KCND2: variants seen among roughly 807,000 people sequenced by gnomAD.
KCND2 encodes A-type voltage-gated potassium channel KCND2.
Under a neutral mutation model 54.4 loss-of-function variants are expected in KCND2, and 16 were observed. The observed-to-expected ratio is 0.29, with a 90% CI of 0.20 to 0.45. The LOEUF (loss-of-function observed/expected upper bound fraction) is 0.45. Ranked by LOEUF, KCND2 falls within the 20% of genes least tolerant of loss-of-function variation. KCND2 has a pLI of 1.00. For missense variants in KCND2, 486 were observed against 824.2 expected, an observed-to-expected ratio of 0.59 and a Z score of 5.02; for synonymous variants, 317 against 310.7, an observed-to-expected ratio of 1.02 and a Z score of -0.21.
intron 1 of KCND2, among the ~76,000 whole-genome samples, chr7:120,287,664 C>G (rs756886509): frequency 1.4e-4 from 22 of 152,010 alleles, no homozygotes; most frequent in Admixed American, 4.6e-4. Flanking sequence ...ACCAGCCTGA[C>G]CAGCATAGTG....
chr7:120,432,953 A>G (rs1183499801), intron 1 of KCND2, among the ~76,000 whole-genome samples: 1 of 152,066 alleles, frequency 6.6e-6, no homozygotes, highest in Admixed American at 6.6e-5. Context: ...GCAAGGCCAA[A>G]TCTCAACTCC....
intron 1 of KCND2, among the ~76,000 whole-genome samples, chr7:120,719,700 C>G (rs1398083522): frequency 6.6e-6 from 1 of 152,004 alleles, no homozygotes; most frequent in Non-Finnish European, 1.5e-5. Flanking sequence ...AATAAAACAA[C>G]AAGCAAAACA....
intron 1 of KCND2, among the ~76,000 whole-genome samples, chr7:120,420,387 G>A (rs1267473783): frequency 6.6e-6 from 1 of 152,134 alleles, no homozygotes; most frequent in African/African-American, 2.4e-5. Context: ...TGCCTGGTAG[G>A]GTGGAGGTGC....
chr7:120,676,161 G>A (rs1792058570), intron 1 of KCND2, among the ~76,000 whole-genome samples: 1 of 152,112 alleles, frequency 6.6e-6, no homozygotes, highest in South Asian at 2.1e-4. Context: ...TTAGCACAAG[G>A]AACAGCCTAG....
chr7:120,718,099 A>G (rs1792624778), intron 1 of KCND2, among the ~76,000 whole-genome samples: 1 of 152,146 alleles, frequency 6.6e-6, no homozygotes, highest in African/African-American at 2.4e-5. Flanking sequence ...AGGCAGTGAT[A>G]GGAAGGAGGC....
intron 1 of KCND2, among the ~76,000 whole-genome samples, chr7:120,577,484 C>T (rs914801078): frequency 2.0e-5 from 3 of 152,182 alleles, no homozygotes; most frequent in Admixed American, 6.5e-5. Flanking sequence ...GATCTGCCTG[C>T]CTACCATATC....
intron 1 of KCND2, among the ~76,000 whole-genome samples, chr7:120,468,395 T>A (rs1220549338): frequency 6.6e-6 from 1 of 152,112 alleles, no homozygotes; most frequent in Non-Finnish European, 1.5e-5. Flanking sequence ...TGAGAATGAC[T>A]TCTTCTGAAC....
At chr7:120,627,846 T>C (rs961049758) in intron 1 of KCND2, among the ~76,000 whole-genome samples, 6 of 152,036 alleles carry the variant, frequency 3.9e-5, no homozygotes, top group Admixed American at 3.3e-4. Flanking sequence ...TTATATATAA[T>C]ATTAAAACCA....
chr7:120,375,115 GATTT>G lies in KCND2; in HGVS notation c.1115+99373_1115+99376del, dbSNP rs1800818619. On this transcript the variant is annotated intron_variant, in intron 1 of 5. Transcript: ENST00000331113. Reference sequence around the variant, plus strand: ...CATGGTTTTGTTTTTGCTATTTATTGATTTATTTTGTTGTTGTCATTTGATAAAT... The same window carrying G: ...CATGGTTTTGTTTTTGCTATTTATTGATTTTGTTGTTGTCATTTGATAAAT... 2.7e-5 allele frequency among the ~76,000 whole-genome samples: 4 copies of G among 149,930 alleles called. No individual in the cohort carries two copies. The South Asian group carries it at 8.3e-4, about 31-fold the overall frequency.
At chr7:120,368,909 C>T (rs899744369) in intron 1 of KCND2, among the ~76,000 whole-genome samples, 1 of 152,052 alleles carries the variant, frequency 6.6e-6, no homozygotes, top group Non-Finnish European at 1.5e-5. Flanking sequence ...TTTACTTAAT[C>T]AGATTTCAGT....
Position 120,273,637 on chromosome 7 carries a change from C to T in KCND2, c.-996C>T, listed in dbSNP as rs929652611. 2 of 152,550 alleles carry T rather than the reference C, an allele frequency of 1.3e-5. No homozygotes were observed. Among genetic ancestry groups the T allele is most frequent in the Non-Finnish European group, 2.9e-5 (2 of 68,106 alleles). 9.4% of individuals were successfully genotyped at this position (152,550 alleles called of 1,614,324 possible). ...GAAGGGAAAGAAGAGCTCGCTTGAG[C>T]TTTATTTATGCTCTCTCGGCGCATC... On this transcript the variant is annotated 5_prime_UTR_variant, in exon 1 of 6. Transcript: ENST00000331113.
rs557232689 is a variant in KCND2 at position 120,528,627 on chromosome 7, G to A, written c.1116-204276G>A. Among the ~76,000 whole-genome samples the A allele has an allele frequency of 4.6e-5, 7 of 152,212 alleles. No individual in the cohort carries two copies. The East Asian group carries it at 1.4e-3, about 29-fold the overall frequency. On this transcript the variant is annotated intron_variant, in intron 1 of 5. Coordinates refer to ENST00000331113, the MANE Select transcript of KCND2 (RefSeq NM_012281.3). ...GGCAGAAATTAGCTAACCCAGTAGA[G>A]ATAACACAAAGCAAATAAATGATAC...
chr7:120,383,543 A>G (rs1049257048), intron 1 of KCND2, among the ~76,000 whole-genome samples: 21 of 150,844 alleles, frequency 1.4e-4, no homozygotes, highest in African/African-American at 4.8e-4. Flanking sequence ...AGTTTAGTCA[A>G]AAGTCACCAA....
intron 1 of KCND2, among the ~76,000 whole-genome samples, chr7:120,346,900 A>T (rs777099537): frequency 8.5e-5 from 13 of 152,188 alleles, no homozygotes; most frequent in Non-Finnish European, 1.9e-4. Flanking sequence ...ACTAAGTGCT[A>T]TTTTGTTCTC....
intron 1 of KCND2, among the ~76,000 whole-genome samples, chr7:120,437,039 T>C (rs1801877536): frequency 1.3e-5 from 2 of 152,260 alleles, no homozygotes; most frequent in East Asian, 3.9e-4. Flanking sequence ...TCTCAGCCTA[T>C]CGAACTTTGC....
At chr7:120,584,766 G>A (rs537873795) in intron 1 of KCND2, among the ~76,000 whole-genome samples, 33 of 152,268 alleles carry the variant, frequency 2.2e-4, no homozygotes, top group East Asian at 1.3e-3. Context: ...ACACGCATGC[G>A]CGTGCACACA....
intron 1 of KCND2, among the ~76,000 whole-genome samples, chr7:120,490,947 G>T (rs1472682167): frequency 6.6e-6 from 1 of 152,054 alleles, no homozygotes; most frequent in Non-Finnish European, 1.5e-5. Context: ...TCCCCCAGAG[G>T]TCATCCTTTC....
At chr7:120,326,797 C>T (rs1799985088) in intron 1 of KCND2, among the ~76,000 whole-genome samples, 1 of 152,072 alleles carries the variant, frequency 6.6e-6, no homozygotes, top group African/African-American at 2.4e-5. Context: ...GCCTTGTTTA[C>T]AGCAGCATAA....
intron 1 of KCND2, among the ~76,000 whole-genome samples, chr7:120,351,356 C>T (rs1584742326): frequency 1.9e-5 from 2 of 105,984 alleles, no homozygotes; most frequent in Non-Finnish European, 1.9e-5. Context: ...TCAAAAAAAT[C>T]GAAGAGCATA....
Sources: allele counts gnomAD v4.1 joint callset (sites outside exome capture counted in the v4.1 genomes callset), GRCh38; gene constraint gnomAD v4.1.1; transcripts MANE v1.5; gene names NCBI Gene and HGNC (gene_info 2026-07-23, HGNC 2026-07-21).